The following ACP1 variants were observed in gnomAD, a reference collection of about 807,000 sequenced individuals.
ACP1 encodes the protein low molecular weight phosphotyrosine protein phosphatase.
In ACP1, 23 loss-of-function variants were observed where a neutral mutation model predicts 23.4. The ratio of observed to expected loss-of-function variants is 0.98; its 90% CI spans 0.71 to 1.39. The LOEUF is 1.39. Among genes scored for constraint, ACP1 ranks in the 40% most tolerant of loss-of-function variants. The probability of loss-of-function intolerance (pLI) is 0.00; values close to 1 mark genes in which losing one functional copy is unlikely to be tolerated. For missense variants in ACP1, 180 were observed against 197.7 expected, an observed-to-expected ratio of 0.91 and a Z score of 0.54; for synonymous variants, 72 against 67.2, an observed-to-expected ratio of 1.07 and a Z score of -0.35.
intron 1 of ACP1, among the ~76,000 whole-genome samples, chr2:270,087 C>T (rs1298498050): frequency 6.6e-6 from 1 of 152,152 alleles, no homozygotes; most frequent in African/African-American, 2.4e-5. Flanking sequence ...AAGGTCTCTC[C>T]AATTCAGTCA....
intron 1 of ACP1, among the ~76,000 whole-genome samples, chr2:269,087 T>A (rs1288407496): frequency 6.6e-6 from 1 of 152,212 alleles, no homozygotes; most frequent in East Asian, 1.9e-4. Flanking sequence ...AATACAATGT[T>A]TGCTGTTAAA....
chr2:273,040 T>C (rs929347779), intron 3 of ACP1: 1 of 154,456 alleles, frequency 6.5e-6, no homozygotes, highest in African/African-American at 2.4e-5. Context: ...TTTGGAGAAG[T>C]CCAAAGCCAA....
chr2:265,005 T>G lies in ACP1; in HGVS notation c.41T>G (p.Leu14Arg). 1 of 1,613,176 alleles carries G rather than the reference T, an allele frequency of 6.2e-7. No individual in the cohort carries two copies. The highest frequency in any genetic ancestry group is 8.5e-7 in the Non-Finnish European group (1 of 1,179,588). ...ACCAAGTCCGTGCTGTTTGTGTGTC[T>G]GGGTAAGAGGGCGCCGACTTACTCA... ...QATKSVLFVC[L>R]GNICRSPIAE... The change falls in exon 1 of 6, where the codon CTG (leucine) becomes CGG (arginine). Residue 14 changes from leucine to arginine, a missense_variant and splice_region_variant. This residue lies in a region of ACP1 where 132 missense variants were observed against 124.1 expected (regional missense o/e 1.06). Transcript: ENST00000272065.
intron 3 of ACP1, among the ~76,000 whole-genome samples, chr2:274,081 T>C (rs1030123402): frequency 3.9e-5 from 6 of 152,270 alleles, no homozygotes; most frequent in African/African-American, 1.4e-4. Flanking sequence ...GAGGTTGGCT[T>C]GAACTCAAGA....
chr2:273,271 G>A (rs1670093308), intron 3 of ACP1: 1 of 152,220 alleles, frequency 6.6e-6, no homozygotes, highest in Non-Finnish European at 1.5e-5. Context: ...CATTGGGGAT[G>A]AAGTTTCCAA....
chr2:269,463 G>A, intron 1 of ACP1: 1 of 405,866 alleles, frequency 2.5e-6, no homozygotes, highest in African/African-American at 2.1e-5. Flanking sequence ...GATCCTCATT[G>A]TATTTGTTTA....
intron 3 of ACP1, chr2:273,024 C>T (rs371192773): frequency 5.3e-4 from 82 of 154,520 alleles, no homozygotes; most frequent in African/African-American, 1.9e-3. Flanking sequence ...GTTGAAAATA[C>T]ATTTATTTGG....
chr2:276,846 A>AGT (rs1209164475), intron 4 of ACP1, 134 bp from the exon 5 acceptor site: 1 of 622,798 alleles, frequency 1.6e-6, no homozygotes, highest in Non-Finnish European at 2.9e-6. Flanking sequence ...GGGCCTGCTG[A>AGT]GTGTTCCGTT....
intron 1 of ACP1, 134 bp downstream of exon 1, chr2:265,141 C>A: frequency 2.9e-6 from 3 of 1,041,880 alleles, no homozygotes; most frequent in Non-Finnish European, 2.8e-6. Flanking sequence ...CTAGGGTGTT[C>A]TAGGAGTGTG....
chr2:272,243 G>A (rs937029811), intron 3 of ACP1, 93 bp downstream of exon 3: 1 of 1,614,174 alleles, frequency 6.2e-7, no homozygotes, highest in Non-Finnish European at 8.5e-7. Context: ...CCGGTCCCCA[G>A]ACCCAAGAGC....
At chr2:268,782 G>C (rs1669957868) in intron 1 of ACP1, among the ~76,000 whole-genome samples, 1 of 152,238 alleles carries the variant, frequency 6.6e-6, no homozygotes, top group Non-Finnish European at 1.5e-5. Context: ...GAACTTGTTT[G>C]ATAGGCGAAA....
intron 1 of ACP1, among the ~76,000 whole-genome samples, chr2:271,163 GTGTGTT>G (rs1316971947): frequency 1.3e-5 from 2 of 152,170 alleles, no homozygotes; most frequent in Non-Finnish European, 2.9e-5. Flanking sequence ...ATGCATGTTT[GTGTGTT>G]TGTGTATTGT....
At chr2:269,245 T>G (rs563664479) in intron 1 of ACP1, 1 of 449,300 alleles carries the variant, frequency 2.2e-6, no homozygotes, top group African/African-American at 2.0e-5. Flanking sequence ...CAACACAAAT[T>G]AGCATATAGA....
At chr2:274,540 A>T (rs1335337488) in intron 3 of ACP1, 2 of 152,254 alleles carry the variant, frequency 1.3e-5, no homozygotes, top group East Asian at 3.8e-4. Flanking sequence ...ATCAAAATAA[A>T]GGAGGACTGT....
At chr2:265,088 G>A in intron 1 of ACP1, 81 bp downstream of exon 1, 1 of 1,572,468 alleles carries the variant, frequency 6.4e-7, no homozygotes, top group South Asian at 1.1e-5. Context: ...TTGTGCCGCC[G>A]GCCTAGGAAC....
chr2:265,014 G>A lies in ACP1; in HGVS notation c.43+7G>A, dbSNP rs766776227. On this transcript the variant is annotated splice_region_variant and intron_variant, in intron 1 of 5. Coordinates refer to ENST00000272065, the MANE Select transcript of ACP1 (RefSeq NM_004300.4). Reference sequence around the variant, plus strand: ...GTGCTGTTTGTGTGTCTGGGTAAGAGGGCGCCGACTTACTCATGTTCTGAC... The same window carrying A: ...GTGCTGTTTGTGTGTCTGGGTAAGAAGGCGCCGACTTACTCATGTTCTGAC... The A allele has an allele frequency of 1.2e-6, 2 of 1,612,614 alleles. No homozygotes were observed. The highest frequency in any genetic ancestry group is 2.2e-5 in the East Asian group (1 of 44,754).
rs1206086721 is a variant in ACP1 at position 277,977 on chromosome 2, T to G, written c.*673T>G. On this transcript the variant is annotated 3_prime_UTR_variant, in exon 6 of 6. Coordinates refer to ENST00000272065, the MANE Select transcript of ACP1 (RefSeq NM_004300.4). ...ATCTGAACCACTTTGCCTCTGAAAC[T>G]TAATTACATCCAGAAAGAAGGACAC... 1.3e-5 allele frequency: 2 copies of G among 152,290 alleles called. No individual in the cohort carries two copies. Among genetic ancestry groups the G allele is most frequent in the Non-Finnish European group, 2.9e-5 (2 of 68,116 alleles). The allele number at this position is 152,290 out of a possible 1,614,324, so 9.4% of individuals were successfully genotyped here. A position where few individuals can be genotyped will look rare whatever the true frequency, so the allele number is the denominator to read the frequency against.
At chr2:268,061 G>A (rs533609004) in intron 1 of ACP1, among the ~76,000 whole-genome samples, 51 of 152,300 alleles carry the variant, frequency 3.3e-4, no homozygotes, top group Middle Eastern at 3.4e-3. Context: ...CCCTGTTTTA[G>A]GTCCAGATCT....
At chr2:270,054 G>C (rs928545894) in intron 1 of ACP1, among the ~76,000 whole-genome samples, 8 of 152,148 alleles carry the variant, frequency 5.3e-5, no homozygotes, top group African/African-American at 1.9e-4. Context: ...TCTTGTATTT[G>C]CTCCTTCATA....
Sources: gnomAD v4.1 joint callset for allele counts (sites outside exome capture counted in the v4.1 genomes callset) on GRCh38, gnomAD v4.1.1 for gene constraint, gnomAD v4.1.1 regional missense constraint, MANE v1.5 for transcripts, NCBI Gene and HGNC (gene_info 2026-07-23, HGNC 2026-07-21) for gene names.